The following CLVS1 variants were observed in gnomAD, a reference collection of about 807,000 sequenced individuals.
The protein encoded by CLVS1 is clavesin 1, also known as clavesin-1.
CLVS1 carries 10 observed loss-of-function variants against 33.1 expected under a neutral mutation model. That is an observed-to-expected ratio of 0.30 (90% CI 0.19 to 0.51). The LOEUF (loss-of-function observed/expected upper bound fraction) is 0.51, where lower values mean the gene tolerates loss of function less well. Among genes scored for constraint, CLVS1 ranks in the 20% least tolerant of loss-of-function variants. The pLI, the probability that CLVS1 is intolerant of heterozygous loss-of-function variation, is 0.97. For synonymous variants in CLVS1, 163 were observed against 166.1 expected (o/e 0.98, Z 0.14); for missense variants, 343 against 433.4 (o/e 0.79, Z 1.85).
At chr8:61,115,057 A>G (rs945060679) in intron 1 of CLVS1, among the ~76,000 whole-genome samples, 1 of 152,228 alleles carries the variant, frequency 6.6e-6, no homozygotes, top group Non-Finnish European at 1.5e-5. Flanking sequence ...TCCCCAGCAG[A>G]CATTTTTTGA....
chr8:61,217,640 A>T (rs964105396), intron 2 of CLVS1, among the ~76,000 whole-genome samples: 2 of 152,214 alleles, frequency 1.3e-5, no homozygotes, highest in Non-Finnish European at 2.9e-5. Flanking sequence ...AACAAAAGCA[A>T]AAGTAGTCAA....
At chr8:61,356,774 A>G (rs1244883352) in intron 2 of CLVS1, among the ~76,000 whole-genome samples, 1 of 152,062 alleles carries the variant, frequency 6.6e-6, no homozygotes, top group African/African-American at 2.4e-5. Context: ...ATTGATCTAT[A>G]TCTCTGTTTT....
chr8:61,159,126 G>C (rs1806706879), intron 2 of CLVS1, among the ~76,000 whole-genome samples: 1 of 152,192 alleles, frequency 6.6e-6, no homozygotes, highest in Non-Finnish European at 1.5e-5. Flanking sequence ...TCCTGCCTCA[G>C]CCTCCCAAAG....
In CLVS1 at chr8:61,149,551, C is replaced by CAAAAAAAAAAAAAA. The variant is rs1166606940; in HGVS notation, c.-152+17695_-152+17708dup. Among the ~76,000 whole-genome samples, 52 of 51,890 alleles carry CAAAAAAAAAAAAAA rather than the reference C, an allele frequency of 1.0e-3. 2 individuals carry two copies. The highest frequency in any genetic ancestry group is 1.3e-3 in the Non-Finnish European group (30 of 22,874). The allele number at this position is 51,890 out of a possible 152,430, so 34.0% of individuals were successfully genotyped here. On this transcript the variant is annotated intron_variant, in intron 2 of 2. Coordinates refer to the CLVS1 transcript ENST00000522621. ...TAGGCGACAGAACGAGACTCTGTCT[C>CAAAAAAAAAAAAAA]AAAAAAAAAAAAAAAAACAAAAAAC...
intron 2 of CLVS1, among the ~76,000 whole-genome samples, chr8:61,177,438 A>T (rs1470654415): frequency 1.3e-5 from 2 of 152,204 alleles, no homozygotes; most frequent in African/African-American, 4.8e-5. Flanking sequence ...CCAGACGAGT[A>T]AGATTCCCCC....
chr8:61,405,538 C>T (rs1814952268), intron 3 of CLVS1, among the ~76,000 whole-genome samples: 1 of 152,052 alleles, frequency 6.6e-6, no homozygotes, highest in Non-Finnish European at 1.5e-5. Context: ...CTTTGAGAGG[C>T]CAAGGCAGGA....
intron 2 of CLVS1, among the ~76,000 whole-genome samples, chr8:61,193,732 C>T (rs1206302433): frequency 6.6e-6 from 1 of 151,670 alleles, no homozygotes; most frequent in African/African-American, 2.4e-5. Flanking sequence ...TGGAACCCTA[C>T]TAAAAGAAAT....
At chr8:61,473,959 TC>T (rs1817823384) in intron 5 of CLVS1, among the ~76,000 whole-genome samples, 1 of 152,136 alleles carries the variant, frequency 6.6e-6, no homozygotes, top group African/African-American at 2.4e-5. Flanking sequence ...AGAACATGTT[TC>T]TCCTGTTCTA....
rs78895212 is a variant in CLVS1 at position 61,464,033 on chromosome 8, C to T, written c.977+5491C>T. ...AGGTTGTAGCAATGAGTCAAGATCA[C>T]GCCACTGACTGCACTACTGCACTCC... is the stretch of plus-strand genomic sequence containing the variant. On this transcript the variant is annotated intron_variant, in intron 5 of 5. Coordinates refer to ENST00000325897, the MANE Select transcript of CLVS1 (RefSeq NM_173519.3). Among the ~76,000 whole-genome samples the T allele has an allele frequency of 8.3e-3, 1,160 of 139,758 alleles. 8 individuals carry two copies. The highest frequency in any genetic ancestry group is 0.036 in the African/African-American group (1,103 of 30,890). 91.7% of individuals were successfully genotyped at this position (139,758 alleles called of 152,430 possible). A position where few individuals can be genotyped will look rare whatever the true frequency, so the allele number is the denominator to read the frequency against.
intron 2 of CLVS1, among the ~76,000 whole-genome samples, chr8:61,219,472 A>G (rs953014208): frequency 1.3e-5 from 2 of 152,242 alleles, no homozygotes; most frequent in African/African-American, 4.8e-5. Flanking sequence ...TGCAAAGAAC[A>G]TGATCTCATT....
chr8:61,274,557 T>C (rs1006114364), intron 2 of CLVS1, among the ~76,000 whole-genome samples: 1 of 152,188 alleles, frequency 6.6e-6, no homozygotes, highest in Non-Finnish European at 1.5e-5. Flanking sequence ...ACCTTATGTC[T>C]CTAAACATGT....
At chr8:60,991,555 T>G in the CLVS1 span, among the ~76,000 whole-genome samples, 2 of 152,168 alleles carry the variant, frequency 1.3e-5, no homozygotes, top group Non-Finnish European at 2.9e-5. Flanking sequence ...TTTCCTGGCT[T>G]TTCAGGACGG....
intron 2 of CLVS1, among the ~76,000 whole-genome samples, chr8:61,220,653 T>A (rs1405088459): frequency 1.3e-5 from 2 of 151,740 alleles, no homozygotes; most frequent in South Asian, 2.1e-4. Flanking sequence ...TTTTTTTTTT[T>A]ATTTTATATG....
At chr8:61,266,118 T>C (rs968632206) in intron 2 of CLVS1, among the ~76,000 whole-genome samples, 2 of 152,144 alleles carry the variant, frequency 1.3e-5, no homozygotes, top group Non-Finnish European at 2.9e-5. Flanking sequence ...TTTACCTGAT[T>C]TCTATGATCC....
intron 2 of CLVS1, among the ~76,000 whole-genome samples, chr8:61,306,308 T>C (rs1585778871): frequency 6.6e-6 from 1 of 152,226 alleles, no homozygotes; most frequent in African/African-American, 2.4e-5. Flanking sequence ...CCTTTTTTCA[T>C]ACAATTGTTG....
At chr8:61,414,613 T>A (rs1400373318) in intron 3 of CLVS1, among the ~76,000 whole-genome samples, 1 of 152,186 alleles carries the variant, frequency 6.6e-6, no homozygotes, top group Non-Finnish European at 1.5e-5. Flanking sequence ...TCTCCCAGAC[T>A]GTTATAAGGG....
chr8:61,305,900 G>A (rs1248982443), intron 2 of CLVS1, among the ~76,000 whole-genome samples: 1 of 152,052 alleles, frequency 6.6e-6, no homozygotes, highest in Non-Finnish European at 1.5e-5. Context: ...ACTCTTTTTT[G>A]TGGCTGCATA....
intron 2 of CLVS1, among the ~76,000 whole-genome samples, chr8:61,322,542 C>T (rs1220161503): frequency 1.3e-5 from 2 of 152,066 alleles, no homozygotes; most frequent in African/African-American, 2.4e-5. Flanking sequence ...CTTCCAGTGC[C>T]ATCGGTGGTG....
intron 1 of CLVS1, among the ~76,000 whole-genome samples, chr8:61,090,422 A>G (rs572773801): frequency 9.2e-5 from 14 of 152,320 alleles, no homozygotes; most frequent in African/African-American, 3.4e-4. Context: ...CTTGCACTGA[A>G]CAGGACAAGA....
Sources: gnomAD v4.1 joint callset for allele counts (sites outside exome capture counted in the v4.1 genomes callset) on GRCh38, gnomAD v4.1.1 for gene constraint, MANE v1.5 for transcripts, NCBI Gene and HGNC (gene_info 2026-07-23, HGNC 2026-07-21) for gene names.